Variants in VPS13B observed in about 807,000 individuals in gnomAD.
VPS13B encodes the protein vacuolar protein sorting 13 homolog B.
A neutral mutation model predicts 426.4 loss-of-function variants in VPS13B; 285 were observed. The observed-to-expected ratio is 0.67, with a 90% CI of 0.61 to 0.74. The LOEUF (loss-of-function observed/expected upper bound fraction) is 0.74. Ranked by LOEUF, VPS13B falls within the 30% of genes least tolerant of loss-of-function variation. The pLI is 0.00. For synonymous variants in VPS13B, 1,676 were observed against 1,676.4 expected (o/e 1.00, Z 0.01); for missense variants, 4,537 against 4,782.6 (o/e 0.95, Z 1.51).
intron 30 of VPS13B, among the ~76,000 whole-genome samples, chr8:99,554,293 G>A (rs890999688): frequency 2.6e-5 from 4 of 152,008 alleles, no homozygotes; most frequent in Admixed American, 2.0e-4. Flanking sequence ...AAAATGTAGA[G>A]AGCATTGGCT....
chr8:99,400,931 C>T (rs1815000782), intron 21 of VPS13B, among the ~76,000 whole-genome samples: 1 of 152,216 alleles, frequency 6.6e-6, no homozygotes, highest in African/African-American at 2.4e-5. Flanking sequence ...CTCGGCCTCC[C>T]AAAGTGCTTG....
chr8:99,698,047 C>T, intron 35 of VPS13B: 1 of 352,498 alleles, frequency 2.8e-6, no homozygotes, highest in Non-Finnish European at 5.5e-6. Flanking sequence ...TGTCCTCCTG[C>T]TGCCCCACTG....
intron 36 of VPS13B, among the ~76,000 whole-genome samples, chr8:99,710,387 G>C (rs1010544285): frequency 6.6e-6 from 1 of 152,012 alleles, no homozygotes; most frequent in East Asian, 1.9e-4. Flanking sequence ...ATTTATACCA[G>C]GTTGTTGGAT....
intron 24 of VPS13B, among the ~76,000 whole-genome samples, chr8:99,478,447 G>GTTTTTTTTTT (rs56261645): frequency 1.3e-4 from 11 of 85,776 alleles, no homozygotes; most frequent in South Asian, 3.7e-4. Flanking sequence ...TTTTTGTTTT[G>GTTTTTTTTTT]TTTTTTTTTT....
At position 99,292,057 on chromosome 8, in the gene VPS13B, T is replaced by A. The variant is rs566130063; in HGVS notation, c.2824+16803T>A. Among the ~76,000 whole-genome samples the A allele has an allele frequency of 6.6e-5, 10 of 152,264 alleles. No individual in the cohort carries two copies. In the East Asian group the frequency reaches 1.9e-3, roughly 29 times the overall value. On this transcript the variant is annotated intron_variant, in intron 19 of 61. Coordinates refer to ENST00000357162, the MANE Select transcript of VPS13B (RefSeq NM_152564.5). ...TGCTTTGTTTTCTAAGACAAATTTTTAAAATTTGGATGTTGGGATTATTAG... is the reference window on the plus strand; with the variant it reads ...TGCTTTGTTTTCTAAGACAAATTTTAAAAATTTGGATGTTGGGATTATTAG...
intron 39 of VPS13B, among the ~76,000 whole-genome samples, chr8:99,742,711 C>T (rs1416715328): frequency 6.6e-6 from 1 of 152,136 alleles, no homozygotes; most frequent in Non-Finnish European, 1.5e-5. Flanking sequence ...ATAAACAGTA[C>T]CAATGACAAA....
chr8:99,869,602 A>G (rs1365572957), intron 59 of VPS13B, among the ~76,000 whole-genome samples: 2 of 152,242 alleles, frequency 1.3e-5, no homozygotes, highest in Non-Finnish European at 2.9e-5. Flanking sequence ...ATAAGTGAGA[A>G]AAGTTACACT....
At chr8:99,611,403 A>G (rs1827838968) in intron 33 of VPS13B, among the ~76,000 whole-genome samples, 1 of 152,140 alleles carries the variant, frequency 6.6e-6, no homozygotes, top group Non-Finnish European at 1.5e-5. Flanking sequence ...AAATAATCAC[A>G]TTATTAATAG....
chr8:99,834,612 C>T (rs12545602), intron 52 of VPS13B, among the ~76,000 whole-genome samples: 1 of 152,016 alleles, frequency 6.6e-6, no homozygotes, highest in Admixed American at 6.6e-5. Flanking sequence ...ACACGGCTCA[C>T]TGCATCCTCA....
intron 49 of VPS13B, among the ~76,000 whole-genome samples, chr8:99,820,441 C>G (rs1814294505): frequency 6.6e-6 from 1 of 152,122 alleles, no homozygotes; most frequent in South Asian, 2.1e-4. Flanking sequence ...ATAGAGCCAT[C>G]ATGTGTGCTT....
At chr8:99,316,174 G>A (rs913445044) in intron 19 of VPS13B, among the ~76,000 whole-genome samples, 9 of 152,118 alleles carry the variant, frequency 5.9e-5, no homozygotes, top group African/African-American at 1.9e-4. Context: ...GGTGTTGGAT[G>A]TGAGTGGGGT....
In VPS13B at chr8:99,434,045, C is replaced by T. The variant is rs1250620817; in HGVS notation, c.3210+2381C>T. On this transcript the variant is annotated intron_variant, in intron 22 of 61. Coordinates refer to ENST00000357162, the MANE Select transcript of VPS13B (RefSeq NM_152564.5). ...CTGGTCTAGAATTTCTGACCTCAGG[C>T]GATCTGCCTGTCTTGTCCTCCCAAA... Among the ~76,000 whole-genome samples, 5 of 151,984 alleles carry T rather than the reference C, an allele frequency of 3.3e-5. No homozygotes were observed. In the South Asian group the frequency reaches 8.3e-4, roughly 25 times the overall value.
In VPS13B at chr8:99,410,925, G is replaced by A. The variant is rs561432380; in HGVS notation, c.3082+19221G>A. Reference sequence around the variant, plus strand: ...TTTTTATGGCTGCATAGTAATCCATGGTGTATATGTGCCACATTTTCTTAA... The same window carrying A: ...TTTTTATGGCTGCATAGTAATCCATAGTGTATATGTGCCACATTTTCTTAA... On this transcript the variant is annotated intron_variant, in intron 21 of 61. Transcript: ENST00000357162. 2.0e-5 allele frequency among the ~76,000 whole-genome samples: 3 copies of A among 152,250 alleles called. No individual in the cohort carries two copies. The East Asian group carries it at 5.8e-4, about 29-fold the overall frequency.
At chr8:99,661,637 C>A in intron 35 of VPS13B, 146 bp downstream of exon 35, 1 of 936,498 alleles carries the variant, frequency 1.1e-6, no homozygotes. Context: ...TCAGGCTGCC[C>A]ATTTTAGAGA....
intron 30 of VPS13B, among the ~76,000 whole-genome samples, chr8:99,535,413 C>CCAT (rs1823151224): frequency 6.6e-6 from 1 of 152,164 alleles, no homozygotes; most frequent in African/African-American, 2.4e-5. Flanking sequence ...TGAAGAACTT[C>CCAT]CATCCTCTGT....
chr8:99,223,815 T>A (rs1372906209), intron 17 of VPS13B, among the ~76,000 whole-genome samples: 1 of 152,214 alleles, frequency 6.6e-6, no homozygotes, highest in East Asian at 1.9e-4. Context: ...AAGGGAACAT[T>A]ATTGTCATTC....
chr8:99,784,483 G>A lies in VPS13B; in HGVS notation c.7941+7G>A. ...CTCTCACAAATCCCCACAGGTATTT[G>A]AGAAACACCCTTACAAACAGCCATT... On this transcript the variant is annotated splice_region_variant and intron_variant, in intron 43 of 61. Transcript: ENST00000357162. 1 of 1,613,492 alleles carries A rather than the reference G, an allele frequency of 6.2e-7. No individual in the cohort carries two copies. Among genetic ancestry groups the A allele is most frequent in the Non-Finnish European group, 8.5e-7 (1 of 1,179,592 alleles).
intron 14 of VPS13B, among the ~76,000 whole-genome samples, chr8:99,154,494 G>A (rs1811249319): frequency 6.6e-6 from 1 of 152,080 alleles, no homozygotes; most frequent in African/African-American, 2.4e-5. Flanking sequence ...TAACAAGGAG[G>A]TCTTACTCAG....
intron 3 of VPS13B, among the ~76,000 whole-genome samples, chr8:99,048,181 T>C (rs949182134): frequency 2.6e-5 from 4 of 152,224 alleles, no homozygotes; most frequent in South Asian, 4.1e-4. Flanking sequence ...TGGAGTTGAT[T>C]TCCAGTTTTA....
Sources: gnomAD v4.1 joint callset for allele counts (sites outside exome capture counted in the v4.1 genomes callset) on GRCh38, gnomAD v4.1.1 for gene constraint, MANE v1.5 for transcripts, NCBI Gene and HGNC (gene_info 2026-07-23, HGNC 2026-07-21) for gene names.